TRDN: variants seen among roughly 807,000 people sequenced by gnomAD.
The protein encoded by TRDN is triadin in skeletal muscle.
TRDN carries 161 observed loss-of-function variants against 149.7 expected under a neutral mutation model. The observed-to-expected ratio is 1.08, with a 90% confidence interval of 0.95 to 1.23. The LOEUF is 1.23. Among genes scored for constraint, TRDN ranks in the 50% most tolerant of loss-of-function variants. The pLI is 0.00. For synonymous variants in TRDN, 294 were observed against 250.5 expected, an observed-to-expected ratio of 1.17 and a Z score of -1.64; for missense variants, 896 against 823.5, an observed-to-expected ratio of 1.09 and a Z score of -1.08.
chr6:123,425,234 T>G (rs367708168), intron 12 of TRDN, among the ~76,000 whole-genome samples: 57 of 1,556 alleles, frequency 0.037, no homozygotes, highest in African/African-American at 0.047. Flanking sequence ...GAGGTAGAGG[T>G]GTGTGTGTGT....
chr6:123,628,387 T>C (rs1254757070), intron 1 of TRDN, among the ~76,000 whole-genome samples: 1 of 152,126 alleles, frequency 6.6e-6, no homozygotes, highest in African/African-American at 2.4e-5. Flanking sequence ...CACATATTTA[T>C]TGATGAAATT....
At chr6:123,403,897 T>A (rs9490742) in intron 12 of TRDN, among the ~76,000 whole-genome samples, 20,275 of 152,000 alleles carry the variant, frequency 0.13, 1,473 homozygotes, top group African/African-American at 0.2. Flanking sequence ...AAGATAGCAG[T>A]TGAAGGGAGG....
chr6:123,241,991 A>G (rs960651298), intron 38 of TRDN, among the ~76,000 whole-genome samples: 1 of 152,192 alleles, frequency 6.6e-6, no homozygotes, highest in South Asian at 2.1e-4. Context: ...CTAACTTTAT[A>G]TAAATGTTGA....
At position 123,439,213 on chromosome 6, in the gene TRDN, T is replaced by C. The variant is rs533431667; in HGVS notation, c.932-210A>G. Among the ~76,000 whole-genome samples the C allele has an allele frequency of 2.9e-3, 438 of 152,318 alleles. 3 individuals carry two copies. Among genetic ancestry groups the C allele is most frequent in the Non-Finnish European group, 4.6e-3 (313 of 68,026 alleles). On this transcript the variant is annotated intron_variant, in intron 10 of 40. Coordinates refer to ENST00000334268, the MANE Select transcript of TRDN (RefSeq NM_006073.4). ...AATGTTTACAAAACACTGTGTAAAG[T>C]GCCTGGCTCACAGTAAATGTGTAAC...
intron 7 of TRDN, 135 bp downstream of exon 7, chr6:123,512,167 AT>A (rs1779214468): frequency 1.9e-6 from 1 of 524,136 alleles, no homozygotes. Context: ...TAGATATTAA[AT>A]TTTAAAGGTA....
chr6:123,316,029 G>T (rs1176623195), intron 24 of TRDN, among the ~76,000 whole-genome samples: 2 of 151,876 alleles, frequency 1.3e-5, no homozygotes, highest in African/African-American at 4.8e-5. Flanking sequence ...CTTTTTTGGA[G>T]ATCAAAATGG....
At chr6:123,348,322 T>C (rs1780335912) in intron 21 of TRDN, among the ~76,000 whole-genome samples, 2 of 152,126 alleles carry the variant, frequency 1.3e-5, no homozygotes, top group African/African-American at 2.4e-5. Flanking sequence ...TAAAATTACT[T>C]GACCTGAAAT....
At chr6:123,535,852 TATA>T (rs1487064766) in intron 4 of TRDN, among the ~76,000 whole-genome samples, 3 of 152,166 alleles carry the variant, frequency 2.0e-5, no homozygotes, top group African/African-American at 7.2e-5. Context: ...AGTATACTAA[TATA>T]ATTAAAATAT....
chr6:123,459,604 T>G (rs1049443643), intron 10 of TRDN, among the ~76,000 whole-genome samples: 1 of 152,164 alleles, frequency 6.6e-6, no homozygotes, highest in Admixed American at 6.6e-5. Context: ...CTGCAAACCT[T>G]TAAAAGTACT....
intron 20 of TRDN, among the ~76,000 whole-genome samples, chr6:123,360,058 A>C (rs567929117): frequency 6.6e-6 from 1 of 152,170 alleles, no homozygotes; most frequent in Non-Finnish European, 1.5e-5. Flanking sequence ...CAAGTGCAGG[A>C]AGCGCAGGTT....
chr6:123,567,676 C>G (rs924820652), intron 2 of TRDN, among the ~76,000 whole-genome samples: 1 of 152,138 alleles, frequency 6.6e-6, no homozygotes, highest in African/African-American at 2.4e-5. Context: ...AATCATATCT[C>G]ACAAGATCTC....
chr6:123,356,783 A>G (rs1287823519), intron 20 of TRDN, among the ~76,000 whole-genome samples: 2 of 150,960 alleles, frequency 1.3e-5, no homozygotes, highest in Non-Finnish European at 3.0e-5. Flanking sequence ...AGTTTATTGG[A>G]AAATCTTTTT....
At chr6:123,404,544 G>A (rs956750142) in intron 12 of TRDN, among the ~76,000 whole-genome samples, 1 of 152,102 alleles carries the variant, frequency 6.6e-6, no homozygotes, top group African/African-American at 2.4e-5. Flanking sequence ...CACTTCCCAA[G>A]TACAAGTAAT....
chr6:123,550,101 C>G (rs1380594587), intron 2 of TRDN, among the ~76,000 whole-genome samples: 1 of 151,946 alleles, frequency 6.6e-6, no homozygotes, highest in Non-Finnish European at 1.5e-5. Flanking sequence ...AAAAGAGAAG[C>G]TCTAACTGAA....
chr6:123,502,321 A>T (rs1347549930), intron 8 of TRDN: 2 of 821,484 alleles, frequency 2.4e-6, no homozygotes, highest in Admixed American at 1.2e-4. Context: ...TGATGGAAGT[A>T]ATAATTAACT....
In TRDN at chr6:123,395,537, T is replaced by G. The variant is rs113130701; in HGVS notation, c.1052-1860A>C. On this transcript the variant is annotated intron_variant, in intron 12 of 40. Transcript: ENST00000334268. ...CACATAGATTGGGCATGTTTTAGGGTTCCTTATCTATGGGCTCTTCTTTCT... is the reference window on the plus strand; with the variant it reads ...CACATAGATTGGGCATGTTTTAGGGGTCCTTATCTATGGGCTCTTCTTTCT... Among the ~76,000 whole-genome samples the G allele has an allele frequency of 7.1e-3, 1,087 of 152,156 alleles. 10 individuals are homozygous for G. Among genetic ancestry groups the G allele is most frequent in the African/African-American group, 0.025 (1,034 of 41,522 alleles).
At chr6:123,564,112 G>A (rs941090067) in intron 2 of TRDN, among the ~76,000 whole-genome samples, 4 of 151,924 alleles carry the variant, frequency 2.6e-5, no homozygotes, top group African/African-American at 9.7e-5. Flanking sequence ...CTTTTTATTA[G>A]AGTCTGGGAA....
At chr6:123,494,212 G>A (rs952724941) in intron 9 of TRDN, among the ~76,000 whole-genome samples, 1 of 152,146 alleles carries the variant, frequency 6.6e-6, no homozygotes, top group African/African-American at 2.4e-5. Context: ...ACTCTATAAT[G>A]TTGTAGGTCT....
intron 40 of TRDN, among the ~76,000 whole-genome samples, chr6:123,220,814 C>G (rs1165208308): frequency 6.6e-6 from 1 of 151,794 alleles, no homozygotes; most frequent in South Asian, 2.1e-4. Context: ...GTGACACAAA[C>G]TTCAGTTATA....
Sources: allele counts gnomAD v4.1 joint callset (sites outside exome capture counted in the v4.1 genomes callset), GRCh38; gene constraint gnomAD v4.1.1; transcripts MANE v1.5; gene names NCBI Gene and HGNC (gene_info 2026-07-23, HGNC 2026-07-21).